GRIA1: variants seen among roughly 807,000 people sequenced by gnomAD.
The protein encoded by GRIA1 is glutamate ionotropic receptor AMPA type subunit 1, also known as glutamate receptor 1.
In GRIA1, 31 loss-of-function variants were observed where a neutral mutation model predicts 99.2. The observed-to-expected ratio is 0.31, with a 90% CI of 0.23 to 0.42. GRIA1 has a LOEUF of 0.42. Among genes scored for constraint, GRIA1 ranks in the 10% least tolerant of loss-of-function variants. GRIA1 has a pLI of 1.00. For missense variants in GRIA1, 782 were observed against 1,157.5 expected, an observed-to-expected ratio of 0.68 and a Z score of 4.71; for synonymous variants, 438 against 432.4, an observed-to-expected ratio of 1.01 and a Z score of -0.16.
chr5:153,516,090 G>A (rs1756600256), intron 2 of GRIA1, among the ~76,000 whole-genome samples: 1 of 152,012 alleles, frequency 6.6e-6, no homozygotes, highest in Admixed American at 6.6e-5. Context: ...CGTGGTGGCG[G>A]GCGCCTGTAA....
intron 2 of GRIA1, among the ~76,000 whole-genome samples, chr5:153,501,784 G>T (rs1311131062): frequency 6.6e-6 from 1 of 152,224 alleles, no homozygotes; most frequent in Non-Finnish European, 1.5e-5. Flanking sequence ...GGGGTGCGTT[G>T]TCATGGTATG....
chr5:153,797,677 T>C (rs1765733114), intron 14 of GRIA1, among the ~76,000 whole-genome samples: 1 of 152,204 alleles, frequency 6.6e-6, no homozygotes, highest in Admixed American at 6.5e-5. Context: ...CATCATCTCC[T>C]CAATGCAATT....
At chr5:153,660,571 G>T (rs1755295007) in intron 5 of GRIA1, among the ~76,000 whole-genome samples, 1 of 152,188 alleles carries the variant, frequency 6.6e-6, no homozygotes, top group African/African-American at 2.4e-5. Flanking sequence ...GGACAAGACA[G>T]CTTGAGTTTA....
rs13360820 is a variant in GRIA1, at chr5:153,654,810, C to G, written c.646-1009C>G. ...AGACACCGAGCAGAGTACACTAACCCCAATTTGATGATTAAAAAAAATAGG... is the reference window on the plus strand; with the variant it reads ...AGACACCGAGCAGAGTACACTAACCGCAATTTGATGATTAAAAAAAATAGG... On this transcript the variant is annotated intron_variant, in intron 4 of 15. Transcript: ENST00000285900. Among the ~76,000 whole-genome samples the G allele has an allele frequency of 2.4e-3, 359 of 152,076 alleles. 2 individuals are homozygous for G. The highest frequency in any genetic ancestry group is 8.1e-3 in the African/African-American group (335 of 41,476).
Position 153,794,634 on chromosome 5 carries a change from C to A in GRIA1, c.2284C>A (p.Leu762Met). 1 of 1,608,502 alleles carries A rather than the reference C, an allele frequency of 6.2e-7. No homozygotes were observed. The highest frequency in any genetic ancestry group is 8.5e-7 in the Non-Finnish European group (1 of 1,175,072). Residue 762 changes from leucine (L) to methionine (M), a missense_variant, in exon 14 of 16, where the codon CTG becomes ATG. Leu to Met is a conservative substitution (Grantham distance 15). Transcript: ENST00000285900. ...KGSALRNPVN[L>M]AVLKLNEQGL... ...TCGTTTTTAAAGAAATCCAGTAAAC[C>A]TGGCAGTGTTAAAACTGAACGAGCA...
At chr5:153,809,982 G>T (rs1766705418) in intron 15 of GRIA1, among the ~76,000 whole-genome samples, 1 of 152,102 alleles carries the variant, frequency 6.6e-6, no homozygotes, top group Non-Finnish European at 1.5e-5. Flanking sequence ...TTCTGTGATT[G>T]TTTCTTAATG....
chr5:153,717,411 C>G (rs958292979), intron 11 of GRIA1, among the ~76,000 whole-genome samples: 2 of 152,026 alleles, frequency 1.3e-5, no homozygotes, highest in African/African-American at 4.8e-5. Flanking sequence ...TAGGGAGACA[C>G]GTAAGGGAGG....
chr5:153,551,352 T>G (rs931038308), intron 2 of GRIA1, among the ~76,000 whole-genome samples: 10 of 114,188 alleles, frequency 8.8e-5, no homozygotes, highest in African/African-American at 2.7e-4. Flanking sequence ...TTACAGTTTT[T>G]TTTGTTTGTT....
intron 11 of GRIA1, among the ~76,000 whole-genome samples, chr5:153,759,555 A>C (rs191053885): frequency 6.6e-6 from 1 of 152,166 alleles, no homozygotes; most frequent in African/African-American, 2.4e-5. Flanking sequence ...AGATTGAATC[A>C]GTAATAAAAA....
chr5:153,697,869 C>G (rs1758227415), intron 8 of GRIA1, among the ~76,000 whole-genome samples, 175 bp from the exon 9 acceptor site: 1 of 152,166 alleles, frequency 6.6e-6, no homozygotes, highest in East Asian at 1.9e-4. Flanking sequence ...TTGGGGGCAC[C>G]TGAAAAGCAC....
chr5:153,669,657 C>G (rs1756007213), intron 5 of GRIA1, among the ~76,000 whole-genome samples: 1 of 152,188 alleles, frequency 6.6e-6, no homozygotes, highest in Non-Finnish European at 1.5e-5. Context: ...ACAGATATTA[C>G]AGAAGGGTAT....
intron 13 of GRIA1, among the ~76,000 whole-genome samples, chr5:153,770,759 G>A (rs947133288): frequency 1.3e-5 from 2 of 152,164 alleles, no homozygotes; most frequent in Non-Finnish European, 2.9e-5. Context: ...ATCCAACAAC[G>A]CTATGAACAG....
At chr5:153,548,021 A>T (rs1013146466) in intron 2 of GRIA1, among the ~76,000 whole-genome samples, 2 of 152,204 alleles carry the variant, frequency 1.3e-5, no homozygotes, top group African/African-American at 2.4e-5. Context: ...TTGGTAAATG[A>T]ACCCCTTCTC....
rs1193427191 is a variant in GRIA1, at chr5:153,611,588, GTCAGTGGTGAT to G, written c.221-35337_221-35327del. On this transcript the variant is annotated intron_variant, in intron 2 of 15. Coordinates refer to ENST00000285900, the MANE Select transcript of GRIA1 (RefSeq NM_000827.4). ...TTGAGGCAGAGGTGGAAAACTGGTG[GTCAGTGGTGAT>G]TCTGGTTCACAGATGCATAATTGTT... Among the ~76,000 whole-genome samples the G allele has an allele frequency of 2.6e-4, 39 of 152,326 alleles. No individual in the cohort carries two copies. In the East Asian group the frequency reaches 3.3e-3, roughly 13 times the overall value.
At chr5:153,548,175 C>G (rs1389289) in intron 2 of GRIA1, among the ~76,000 whole-genome samples, 60,156 of 151,848 alleles carry the variant, frequency 0.4, 13,083 homozygotes, top group East Asian at 0.71. Context: ...TTTTAAGGTG[C>G]TGTGATTTCA....
intron 2 of GRIA1, among the ~76,000 whole-genome samples, chr5:153,608,143 A>G (rs1493387): frequency 0.075 from 11,394 of 152,220 alleles, 566 homozygotes; most frequent in Non-Finnish European, 0.11. Context: ...ATCTTTTGAC[A>G]GTAATCTGTC....
intron 11 of GRIA1, among the ~76,000 whole-genome samples, chr5:153,750,138 G>C (rs1453080931): frequency 6.6e-6 from 1 of 152,092 alleles, no homozygotes; most frequent in Admixed American, 6.5e-5. Flanking sequence ...GCAGCATCTT[G>C]GATGAAGTGG....
At chr5:153,688,873 C>G (rs936613650) in intron 8 of GRIA1, among the ~76,000 whole-genome samples, 3 of 152,026 alleles carry the variant, frequency 2.0e-5, no homozygotes, top group African/African-American at 4.8e-5. Context: ...GTGCCCATCA[C>G]CACACCTGGC....
At chr5:153,694,781 C>T (rs1757981113) in intron 8 of GRIA1, among the ~76,000 whole-genome samples, 1 of 152,122 alleles carries the variant, frequency 6.6e-6, no homozygotes, top group Admixed American at 6.6e-5. Context: ...TACTCAGTGG[C>T]TTTTAGAGGA....
Sources: allele counts gnomAD v4.1 joint callset (sites outside exome capture counted in the v4.1 genomes callset), GRCh38; gene constraint gnomAD v4.1.1; transcripts MANE v1.5; gene names NCBI Gene and HGNC (gene_info 2026-07-23, HGNC 2026-07-21).